Variants in MEI1 observed in about 807,000 individuals in gnomAD.
MEI1 encodes meiosis inhibitor protein 1.
In MEI1, 103 loss-of-function variants were observed where a neutral mutation model predicts 146.2. The ratio of observed to expected loss-of-function variants is 0.70; its 90% CI spans 0.60 to 0.83. MEI1 has a LOEUF of 0.83. Ranked by LOEUF, MEI1 falls within the 40% of genes least tolerant of loss-of-function variation. The pLI, the probability that MEI1 is intolerant of heterozygous loss-of-function variation, is 0.00. For synonymous variants in MEI1, 652 were observed against 628.2 expected (o/e 1.04, Z -0.57); for missense variants, 1,529 against 1,533.0 (o/e 1.00, Z 0.04).
In MEI1 at chr22:41,732,320, T is replaced by C. The variant is rs1482449110; in HGVS notation, c.1172T>C (p.Leu391Pro). ...NNIELHKQGL[L>P]LFAEILTRQP... ...ATAGAGCTGCACAAGCAGGGCCTGC[T>C]GCTTTTCGCTGAAATCCTGACCCGG... The change falls in exon 10 of 31, where the codon CTG (leucine) becomes CCG (proline). Residue 391 changes from leucine (L) to proline (P), a missense_variant. Physicochemically the swap from Leu to Pro is moderately conservative, Grantham distance 98. Around this residue, in one of 3 missense-constraint regions of MEI1, gnomAD observed 1,212 missense variants for 1,178.9 expected, o/e 1.03. Transcript: ENST00000401548. 2.5e-6 allele frequency: 4 copies of C among 1,612,848 alleles called. No homozygotes were observed. In the African/African-American group the frequency reaches 5.3e-5, roughly 21 times the overall value.
Position 41,714,059 on chromosome 22 carries a change from A to G in MEI1, c.407A>G (p.Asp136Gly), listed in dbSNP as rs373022858. Reference protein sequence around the residue: ...KLEQTIRCLLDECHKELCNMP... With the variant: ...KLEQTIRCLLGECHKELCNMP... ...GAGCAGACTATCCGTTGCCTGCTGG[A>G]TGAGTGCCACAAAGAGGTCAGAAAA... Residue 136 changes from aspartate to glycine, a missense_variant, in exon 4 of 31, where the codon GAT (aspartate) becomes GGT (glycine). Asp to Gly is a moderately conservative substitution (Grantham distance 94). Coordinates refer to ENST00000401548, the MANE Select transcript of MEI1 (RefSeq NM_152513.4). 2.5e-6 allele frequency: 4 copies of G among 1,600,010 alleles called. No individual in the cohort carries two copies. The highest frequency in any genetic ancestry group is 2.2e-5 in the East Asian group (1 of 44,498).
At chr22:41,794,293 G>C in intron 27 of MEI1, 78 bp from the exon 28 acceptor site, 1 of 1,255,708 alleles carries the variant, frequency 8.0e-7, no homozygotes, top group Non-Finnish European at 1.2e-6. Context: ...CCCTTTTTAA[G>C]CCAATAGGAG....
chr22:41,778,965 G>A, intron 22 of MEI1, 153 bp downstream of exon 22: 2 of 593,566 alleles, frequency 3.4e-6, no homozygotes, highest in Non-Finnish European at 3.0e-6. Context: ...TCTTGCTAAA[G>A]GACCTCTCAG....
rs1381785361 is a variant in MEI1 at position 41,754,221 on chromosome 22, A to G, written c.1951+175A>G. The stretch of plus-strand genomic sequence containing the variant: ...TTGATTCCTAGGGATATGAAGTAAT[A>G]GAACTGGAAAATGATGGAACCCAAG... On this transcript the variant is annotated intron_variant, in intron 17 of 30. Transcript: ENST00000401548. Among the ~76,000 whole-genome samples the G allele has an allele frequency of 3.3e-5, 5 of 152,312 alleles. No homozygotes were observed. The East Asian group carries it at 5.8e-4, about 18-fold the overall frequency.
intron 26 of MEI1, among the ~76,000 whole-genome samples, chr22:41,789,267 A>G (rs1427202181): frequency 1.3e-5 from 2 of 152,144 alleles, no homozygotes; most frequent in African/African-American, 4.8e-5. Flanking sequence ...AGCCAAGATC[A>G]TGCCAGTGCA....
chr22:41,722,371 C>G (rs909463992), intron 6 of MEI1, among the ~76,000 whole-genome samples: 1 of 151,948 alleles, frequency 6.6e-6, no homozygotes, highest in Non-Finnish European at 1.5e-5. Flanking sequence ...GTTCATAGCT[C>G]ACTGCAGCCT....
At chr22:41,777,723 G>A (rs553214748) in intron 21 of MEI1, among the ~76,000 whole-genome samples, 1 of 152,140 alleles carries the variant, frequency 6.6e-6, no homozygotes, top group African/African-American at 2.4e-5. Context: ...ATTTCTCCCA[G>A]TTTTGGGGGC....
At position 41,799,404 on chromosome 22, in the gene MEI1, C is replaced by T. The variant is rs948599105; in HGVS notation, c.*105C>T. ...ACAGCTGAAGCTATTCATATGGAGC[C>T]ATATACTCTATTGTTGAAATAGAAT... is the stretch of plus-strand genomic sequence containing the variant. On this transcript the variant is annotated 3_prime_UTR_variant, in exon 31 of 31. Transcript: ENST00000401548. The T allele has an allele frequency of 4.6e-6, 5 of 1,078,952 alleles. No homozygotes were observed. Among genetic ancestry groups the T allele is most frequent in the Non-Finnish European group, 7.0e-6 (5 of 714,422 alleles). 66.8% of individuals were successfully genotyped at this position (1,078,952 alleles called of 1,614,324 possible).
chr22:41,713,141 G>A (rs530945117), intron 3 of MEI1, among the ~76,000 whole-genome samples: 5 of 152,046 alleles, frequency 3.3e-5, no homozygotes, highest in Non-Finnish European at 4.4e-5. Context: ...CTTCCTAGGT[G>A]AGTCTAATGT....
intron 3 of MEI1, among the ~76,000 whole-genome samples, chr22:41,712,572 AC>A (rs1165234124): frequency 1.3e-5 from 2 of 151,818 alleles, no homozygotes; most frequent in Non-Finnish European, 1.5e-5. Context: ...CAATAGACTT[AC>A]CTGGAGAACT....
intron 11 of MEI1, among the ~76,000 whole-genome samples, chr22:41,737,542 T>C (rs1391365105): frequency 6.6e-6 from 1 of 151,876 alleles, no homozygotes; most frequent in Non-Finnish European, 1.5e-5. Context: ...CCCGGCCTCT[T>C]TTTTTCTGGG....
chr22:41,746,056 A>C, intron 14 of MEI1, 30 bp downstream of exon 14: 1 of 1,542,438 alleles, frequency 6.5e-7, no homozygotes, highest in Middle Eastern at 1.8e-4. Context: ...GGGCAACATG[A>C]AGCTTGGGGA....
intron 30 of MEI1, among the ~76,000 whole-genome samples, chr22:41,797,007 ATTT>A (rs1206618114): frequency 2.6e-5 from 4 of 151,928 alleles, no homozygotes; most frequent in African/African-American, 9.7e-5. Flanking sequence ...CTTTTTATTT[ATTT>A]TTTTTAAGAC....
chr22:41,709,132 T>C (rs2069334320), intron 3 of MEI1: 1 of 696,278 alleles, frequency 1.4e-6, no homozygotes, highest in African/African-American at 1.8e-5. Flanking sequence ...CTTAAAAAAA[T>C]TCTGCATTTT....
intron 12 of MEI1, 60 bp from the exon 13 acceptor site, chr22:41,744,913 A>G: frequency 9.3e-7 from 1 of 1,071,748 alleles, no homozygotes; most frequent in Non-Finnish European, 1.3e-6. Flanking sequence ...TCATCCAAGC[A>G]TAGACTGAGA....
At position 41,757,485 on chromosome 22, in the gene MEI1, G is replaced by A. The variant is rs142067272; in HGVS notation, c.1952-880G>A. Among the ~76,000 whole-genome samples, 1,099 of 152,112 alleles carry A rather than the reference G, an allele frequency of 7.2e-3. 18 individuals are homozygous for A. Among genetic ancestry groups the A allele is most frequent in the African/African-American group, 0.025 (1,051 of 41,482 alleles). ...CGATTCTCCCACCTCAGCCTCCCAA[G>A]TAGCTGGGATTACAGGCGCCCGCCA... On this transcript the variant is annotated intron_variant, in intron 17 of 30. Transcript: ENST00000401548.
At chr22:41,761,535 G>A (rs1391440963) in intron 18 of MEI1, among the ~76,000 whole-genome samples, 1 of 151,780 alleles carries the variant, frequency 6.6e-6, no homozygotes, top group African/African-American at 2.4e-5. Flanking sequence ...AGGATGGTCT[G>A]GATCTCCTGA....
intron 26 of MEI1, among the ~76,000 whole-genome samples, chr22:41,791,111 C>T (rs2076166139): frequency 6.6e-6 from 1 of 152,140 alleles, no homozygotes; most frequent in Non-Finnish European, 1.5e-5. Context: ...TGGGCAGAGC[C>T]AAACTGAGCC....
At chr22:41,781,494 G>A (rs1373820173) in intron 23 of MEI1, 100 bp downstream of exon 23, 10 of 1,182,834 alleles carry the variant, frequency 8.5e-6, no homozygotes, top group Middle Eastern at 2.7e-4. Flanking sequence ...GGTTGTGTGT[G>A]TGGCTGGTGG....
Sources: gnomAD v4.1 joint callset for allele counts (sites outside exome capture counted in the v4.1 genomes callset) on GRCh38, gnomAD v4.1.1 for gene constraint, gnomAD v4.1.1 regional missense constraint, MANE v1.5 for transcripts, NCBI Gene and HGNC (gene_info 2026-07-23, HGNC 2026-07-21) for gene names.